The following OSBPL3 variants were observed in gnomAD, a reference collection of about 807,000 sequenced individuals.
OSBPL3 encodes oxysterol-binding protein-related protein 3.
A neutral mutation model predicts 120.1 loss-of-function variants in OSBPL3; 65 were observed. That is an observed-to-expected ratio of 0.54 (90% CI 0.44 to 0.67). OSBPL3 has a LOEUF of 0.67. Ranked by LOEUF, OSBPL3 falls within the 30% of genes least tolerant of loss-of-function variation. The pLI is 0.00. For missense variants in OSBPL3, 1,004 were observed against 1,082.1 expected, an observed-to-expected ratio of 0.93 and a Z score of 1.01; for synonymous variants, 416 against 402.6, an observed-to-expected ratio of 1.03 and a Z score of -0.40.
chr7:24,917,470 C>T (rs10279951), intron 1 of OSBPL3, among the ~76,000 whole-genome samples: 37,338 of 85,856 alleles, frequency 0.43, 6,131 homozygotes, highest in South Asian at 0.51. Context: ...TATATATATA[C>T]ACACACACAC....
chr7:24,892,491 C>A lies in OSBPL3; in HGVS notation c.-19G>T. ...TCATCATGGACAGCAAGTCACTTGGCCTCGAGACAATCAAAATGCCATCAG... is the reference window on the plus strand; with the variant it reads ...TCATCATGGACAGCAAGTCACTTGGACTCGAGACAATCAAAATGCCATCAG... On this transcript the variant is annotated 5_prime_UTR_variant, in exon 2 of 23. Coordinates refer to ENST00000313367, the MANE Select transcript of OSBPL3 (RefSeq NM_015550.4). 2 of 1,607,496 alleles carry A rather than the reference C, an allele frequency of 1.2e-6. 1 individual carries two copies. Among genetic ancestry groups the A allele is most frequent in the South Asian group, 2.2e-5 (2 of 90,354 alleles).
intron 2 of OSBPL3, among the ~76,000 whole-genome samples, chr7:24,874,243 G>T (rs1802554665): frequency 6.6e-6 from 1 of 152,128 alleles, no homozygotes; most frequent in African/African-American, 2.4e-5. Context: ...GAAAGAAGAG[G>T]GTGTGGGTAT....
rs528158214 is a variant in OSBPL3, at chr7:24,852,441, T to G, written c.1158+63A>C. The G allele has an allele frequency of 9.8e-6, 13 of 1,328,336 alleles. No homozygotes were observed. The South Asian group carries it at 2.2e-4, about 22-fold the overall frequency. 82.3% of individuals were successfully genotyped at this position (1,328,336 alleles called of 1,614,324 possible). A position where few individuals can be genotyped will look rare whatever the true frequency, so the allele number is the denominator to read the frequency against. On this transcript the variant is annotated intron_variant, in intron 11 of 22. Coordinates refer to ENST00000313367, the MANE Select transcript of OSBPL3 (RefSeq NM_015550.4). This position sits in a 1 kb window ranked among gnomAD's most constrained non-coding sequence, Gnocchi z 4.1. ...TTCAACATAATCATGGAAATAGAAA[T>G]TACAAACCATTCATGAGCCTGGACA...
At chr7:24,865,313 C>T in intron 7 of OSBPL3, 29 bp downstream of exon 7, 3 of 1,611,116 alleles carry the variant, frequency 1.9e-6, no homozygotes, top group Non-Finnish European at 2.5e-6. Context: ...ATAGCCACAA[C>T]AGAAAGCAGA....
intron 10 of OSBPL3, among the ~76,000 whole-genome samples, chr7:24,859,811 C>T (rs900813984): frequency 2.0e-5 from 3 of 152,042 alleles, no homozygotes; most frequent in African/African-American, 4.8e-5. Context: ...GTTATGTGCT[C>T]GATGTTAAGT....
chr7:24,977,432 A>G (rs1249023978), intron 1 of OSBPL3, among the ~76,000 whole-genome samples: 2 of 152,222 alleles, frequency 1.3e-5, no homozygotes, highest in Non-Finnish European at 2.9e-5. Flanking sequence ...GCGAGAATTG[A>G]AGTCAGACTA....
Position 24,849,724 on chromosome 7 carries a change from C to T in OSBPL3, c.1159-548G>A, listed in dbSNP as rs929270217. 6.6e-6 allele frequency among the ~76,000 whole-genome samples: 1 copy of T among 151,970 alleles called. No individual in the cohort carries two copies. The highest frequency in any genetic ancestry group is 1.9e-4 in the East Asian group (1 of 5,178). On this transcript the variant is annotated intron_variant, in intron 11 of 22. Transcript: ENST00000313367. This position sits in a 1 kb window ranked among gnomAD's most constrained non-coding sequence, Gnocchi z 5.4. ...ATTCCAGCACTTTGGGAGGTGGAGG[C>T]GGGCAGATTACTTGAGGTCAGGAGT... is the stretch of plus-strand genomic sequence containing the variant.
In OSBPL3 at chr7:24,834,180, C is replaced by T. The variant is rs1796709003; in HGVS notation, c.1746+306G>A. The T allele has an allele frequency of 2.8e-6, 3 of 1,086,788 alleles. No homozygotes were observed. The highest frequency in any genetic ancestry group is 1.0e-4 in the Admixed American group (2 of 19,392). 67.3% of individuals were successfully genotyped at this position (1,086,788 alleles called of 1,614,324 possible). A position where few individuals can be genotyped will look rare whatever the true frequency, so the allele number is the denominator to read the frequency against. ...ACAGCCCTAAAGACATGTTTTCCAGCCGGGCACATCGGAACAATCAGCCAG... is the reference window on the plus strand; with the variant it reads ...ACAGCCCTAAAGACATGTTTTCCAGTCGGGCACATCGGAACAATCAGCCAG... On this transcript the variant is annotated intron_variant, in intron 15 of 22. Transcript: ENST00000313367. This position sits in a 1 kb window ranked among gnomAD's most constrained non-coding sequence, Gnocchi z 5.2.
chr7:24,911,665 T>A (rs1002730553), intron 1 of OSBPL3, among the ~76,000 whole-genome samples: 3 of 152,204 alleles, frequency 2.0e-5, no homozygotes, highest in Non-Finnish European at 2.9e-5. Flanking sequence ...CCAAGATATA[T>A]TTTGGAGGTA....
rs1802170182 is a variant in OSBPL3, at chr7:24,871,905, G to A, written c.213+48C>T. 6.8e-7 allele frequency: 1 copy of A among 1,467,438 alleles called. No individual in the cohort carries two copies. Among genetic ancestry groups the A allele is most frequent in the Non-Finnish European group, 9.6e-7 (1 of 1,046,142 alleles). The allele number at this position is 1,467,438 out of a possible 1,614,324, so 90.9% of individuals were successfully genotyped here. A position where few individuals can be genotyped will look rare whatever the true frequency, so the allele number is the denominator to read the frequency against. On this transcript the variant is annotated intron_variant, in intron 3 of 22. Coordinates refer to ENST00000313367, the MANE Select transcript of OSBPL3 (RefSeq NM_015550.4). This position sits in a 1 kb window ranked among gnomAD's most constrained non-coding sequence, Gnocchi z 4.8. ...TGAGTACCTAAGAACCAGGTGCTGAGTGGGGCAGTGTGAGTGCAAATAAAG... is the reference window on the plus strand; with the variant it reads ...TGAGTACCTAAGAACCAGGTGCTGAATGGGGCAGTGTGAGTGCAAATAAAG...
chr7:24,867,945 G>C lies in OSBPL3; in HGVS notation c.382-1708C>G, dbSNP rs567641941. Among the ~76,000 whole-genome samples, 1 of 152,046 alleles carries C rather than the reference G, an allele frequency of 6.6e-6. No homozygotes were observed. Among genetic ancestry groups the C allele is most frequent in the Non-Finnish European group, 1.5e-5 (1 of 67,998 alleles). On this transcript the variant is annotated intron_variant, in intron 5 of 22. Coordinates refer to ENST00000313367, the MANE Select transcript of OSBPL3 (RefSeq NM_015550.4). The surrounding 1 kb of genome is among the most constrained non-coding windows in gnomAD (Gnocchi z 4.5). ...CTGTAACTAGTAGTTTTTATTTAAA[G>C]ATATTTCAAATGTTTATAAAAATAT...
chr7:24,981,824 CGGGT>C (rs1818398931), upstream of OSBPL3, among the ~76,000 whole-genome samples: 1 of 152,146 alleles, frequency 6.6e-6, no homozygotes. This position sits in a 1 kb window ranked among gnomAD's most constrained non-coding sequence, Gnocchi z 7.3. Flanking sequence ...GGTGGCTGGA[CGGGT>C]AGTGGAAGGA....
In OSBPL3 at chr7:24,830,177, G is replaced by A. The variant is rs565369726; in HGVS notation, c.1884+591C>T. 1.6e-4 allele frequency among the ~76,000 whole-genome samples: 24 copies of A among 152,266 alleles called. No homozygotes were observed. The highest frequency in any genetic ancestry group is 5.8e-4 in the African/African-American group (24 of 41,558). Reference sequence around the variant, plus strand: ...CAAGAGTGTGATGGAACCTTAGGCTGCATGAGTACAAGGTTGTGCATCCAT... The same window carrying A: ...CAAGAGTGTGATGGAACCTTAGGCTACATGAGTACAAGGTTGTGCATCCAT... On this transcript the variant is annotated intron_variant, in intron 16 of 22. Coordinates refer to ENST00000313367, the MANE Select transcript of OSBPL3 (RefSeq NM_015550.4). The surrounding 1 kb of genome is among the most constrained non-coding windows in gnomAD (Gnocchi z 4.4).
At chr7:24,829,141 T>G (rs549711325) in intron 16 of OSBPL3, among the ~76,000 whole-genome samples, 5 of 152,340 alleles carry the variant, frequency 3.3e-5, no homozygotes, top group African/African-American at 1.2e-4. Context: ...CTGTCCTGAT[T>G]GTCTGCTGTA....
intron 1 of OSBPL3, among the ~76,000 whole-genome samples, chr7:24,914,793 G>C (rs1161317739): frequency 6.6e-6 from 1 of 152,116 alleles, no homozygotes; most frequent in Non-Finnish European, 1.5e-5. Context: ...GGGTTTTTTA[G>C]TAAAAAGCCC....
Position 24,807,923 on chromosome 7 carries a change from G to T in OSBPL3, c.2318-1021C>A, listed in dbSNP as rs529345577. On this transcript the variant is annotated intron_variant, in intron 20 of 22. Transcript: ENST00000313367. ...CCCCCCCTTTTTTTTTATTGAAAGG[G>T]TCTCACTCTGTCCACCCAGGCTGGA... is the stretch of plus-strand genomic sequence containing the variant. Among the ~76,000 whole-genome samples, 11 of 151,974 alleles carry T rather than the reference G, an allele frequency of 7.2e-5. No homozygotes were observed. In the South Asian group the frequency reaches 1.2e-3, roughly 17 times the overall value.
intron 2 of OSBPL3, among the ~76,000 whole-genome samples, chr7:24,889,163 T>C (rs951997015): frequency 2.6e-5 from 4 of 152,238 alleles, no homozygotes; most frequent in Non-Finnish European, 4.4e-5. Context: ...TGGACTACTA[T>C]TCAGCCTTAA....
At chr7:24,973,026 T>C (rs929322792) in intron 1 of OSBPL3, among the ~76,000 whole-genome samples, 20 of 152,234 alleles carry the variant, frequency 1.3e-4, no homozygotes, top group Non-Finnish European at 1.5e-5. Context: ...ATTTTAACTG[T>C]AGAGGGTAAA....
intron 1 of OSBPL3, among the ~76,000 whole-genome samples, chr7:24,945,019 A>T (rs902938960): frequency 5.3e-5 from 8 of 152,224 alleles, no homozygotes; most frequent in African/African-American, 1.9e-4. Context: ...CGCCACTGCC[A>T]GGTCCTTTGG....
Sources: gnomAD v4.1 joint callset for allele counts (sites outside exome capture counted in the v4.1 genomes callset) on GRCh38, gnomAD v4.1.1 for gene constraint, Gnocchi (gnomAD v3.1) non-coding constraint, MANE v1.5 for transcripts, NCBI Gene and HGNC (gene_info 2026-07-23, HGNC 2026-07-21) for gene names.